The following YOD1 variants were observed in gnomAD, a reference collection of about 807,000 sequenced individuals.
YOD1 encodes YOD1 deubiquitinase.
Under a neutral mutation model 23.7 loss-of-function variants are expected in YOD1, and 17 were observed. The observed-to-expected ratio is 0.72, with a 90% CI of 0.49 to 1.07. The LOEUF (loss-of-function observed/expected upper bound fraction) is 1.07. YOD1 is among the 50% of genes least tolerant of loss of function. YOD1 has a pLI of 0.00. For missense variants in YOD1, 413 were observed against 447.2 expected (o/e 0.92, Z 0.69); for synonymous variants, 191 against 169.6 (o/e 1.13, Z -0.98).
intron 1 of YOD1, 52 bp from the exon 2 acceptor site, chr1:207,049,775 G>A (rs1388112912): frequency 9.9e-6 from 15 of 1,514,700 alleles, no homozygotes; most frequent in Non-Finnish European, 1.1e-5. Context: ...AGAAGAAACC[G>A]AGTGTTCTCT....
At chr1:207,052,114 G>C, upstream of YOD1, 1 of 1,337,314 alleles carries the variant, frequency 7.5e-7, no homozygotes, top group Non-Finnish European at 1.1e-6. Flanking sequence ...TGCCAAGAGT[G>C]GGTTTATCAA....
rs1295921838 is a variant in YOD1 at position 207,048,069 on chromosome 1, C to T, written c.*951G>A. The T allele has an allele frequency of 6.6e-6, 1 of 152,432 alleles. No individual in the cohort carries two copies. The highest frequency in any genetic ancestry group is 1.9e-4 in the East Asian group (1 of 5,186). The allele number at this position is 152,432 out of a possible 1,614,324, so 9.4% of individuals were successfully genotyped here. On this transcript the variant is annotated 3_prime_UTR_variant, in exon 2 of 2. Transcript: ENST00000315927. ...AAAAGCTGAGAAAATTAAATTCCCC[C>T]CGATAAACTTTACGCAAATGAAGAA...
chr1:207,050,788 C>T lies in YOD1; in HGVS notation c.243G>A (p.Gly81=), dbSNP rs1233837431. 2.5e-6 allele frequency: 4 copies of T among 1,613,452 alleles called. No homozygotes were observed. The highest frequency in any genetic ancestry group is 3.4e-6 in the Non-Finnish European group (4 of 1,180,016). ...GGATTCGCTGACCGCCGGGGGCGAT[C>T]CCGGTGATGGCGGCAATTTGGCCCT... ...ELQGQIAAIT[G]IAPGGQRILV... Residue 81 remains glycine, a synonymous_variant, in exon 1 of 2, where the codon GGG becomes GGA. Transcript: ENST00000315927.
At position 207,047,488 on chromosome 1, in the gene YOD1, G is replaced by A. The variant is rs573766640; in HGVS notation, c.*1532C>T. The A allele has an allele frequency of 2.0e-5, 3 of 152,704 alleles. No individual in the cohort carries two copies. In the South Asian group the frequency reaches 6.2e-4, roughly 32 times the overall value. The allele number at this position is 152,704 out of a possible 1,614,324, so 9.5% of individuals were successfully genotyped here. On this transcript the variant is annotated 3_prime_UTR_variant, in exon 2 of 2. Coordinates refer to ENST00000315927, the MANE Select transcript of YOD1 (RefSeq NM_018566.4). ...CTGAAAAAGATCCAAGTGCTTTAAA[G>A]TATACCACTGAATTTCTAAGTGAGA...
At position 207,044,246 on chromosome 1, in the gene YOD1, A is replaced by G. The variant is rs1161205731; in HGVS notation, c.*4774T>C. The stretch of plus-strand genomic sequence containing the variant: ...ACTATAGGAATATTGTTGTTCTCTA[A>G]CCCTTTTCACAAACTATTCATATTC... On this transcript the variant is annotated 3_prime_UTR_variant, in exon 2 of 2. Transcript: ENST00000315927. 6.6e-6 allele frequency: 1 copy of G among 152,468 alleles called. No individual in the cohort carries two copies. The highest frequency in any genetic ancestry group is 2.4e-5 in the African/African-American group (1 of 41,396). The allele number at this position is 152,468 out of a possible 1,614,324, so 9.4% of individuals were successfully genotyped here. A position where few individuals can be genotyped will look rare whatever the true frequency, so the allele number is the denominator to read the frequency against.
At position 207,045,904 on chromosome 1, in the gene YOD1, C is replaced by T. The variant is rs1032944755; in HGVS notation, c.*3116G>A. The T allele has an allele frequency of 2.0e-5, 3 of 152,040 alleles. No homozygotes were observed. Among genetic ancestry groups the T allele is most frequent in the East Asian group, 3.8e-4 (2 of 5,202 alleles). 9.4% of individuals were successfully genotyped at this position (152,040 alleles called of 1,614,324 possible). A position where few individuals can be genotyped will look rare whatever the true frequency, so the allele number is the denominator to read the frequency against. ...AGGGTCAAACTGACCAGCAGTCAAG[C>T]GTCAAGGGTACCACTTGACTATGCT... On this transcript the variant is annotated 3_prime_UTR_variant, in exon 2 of 2. Transcript: ENST00000315927.
In YOD1 at chr1:207,049,015, AT is replaced by A; in HGVS notation, c.*4del. ...AGTAGGCTTCAACCCTCATTCATGCATAGGTCACACTTCTCCAAAGTTGGTA... is the reference window on the plus strand; with the variant it reads ...AGTAGGCTTCAACCCTCATTCATGCAAGGTCACACTTCTCCAAAGTTGGTA... On this transcript the variant is annotated 3_prime_UTR_variant, in exon 2 of 2. Transcript: ENST00000315927. 6.2e-7 allele frequency: 1 copy of A among 1,611,502 alleles called. No homozygotes were observed.
At chr1:207,052,334 G>A (rs1682773856), upstream of YOD1, 2 of 1,048,556 alleles carry the variant, frequency 1.9e-6, no homozygotes, top group African/African-American at 1.6e-5. Flanking sequence ...CTGGGTTAGG[G>A]GGTAGGTAGG....
At chr1:207,051,506 G>A (rs1054877229), upstream of YOD1, among the ~76,000 whole-genome samples, 2 of 152,338 alleles carry the variant, frequency 1.3e-5, no homozygotes, top group African/African-American at 4.8e-5. Context: ...GGGGCCAAAA[G>A]ACTGGCCTTT....
rs945687249 is a variant in YOD1, at chr1:207,044,690, G to A, written c.*4330C>T. On this transcript the variant is annotated 3_prime_UTR_variant, in exon 2 of 2. Transcript: ENST00000315927. Reference sequence around the variant, plus strand: ...TGCTACATTCTATGACAAGAAATGGGGAAGAAGGGTTGAGTTGACACAAAG... The same window carrying A: ...TGCTACATTCTATGACAAGAAATGGAGAAGAAGGGTTGAGTTGACACAAAG... 6.6e-6 allele frequency: 1 copy of A among 152,330 alleles called. No individual in the cohort carries two copies. The highest frequency in any genetic ancestry group is 1.5e-5 in the Non-Finnish European group (1 of 67,934). 9.4% of individuals were successfully genotyped at this position (152,330 alleles called of 1,614,324 possible). A position where few individuals can be genotyped will look rare whatever the true frequency, so the allele number is the denominator to read the frequency against.
chr1:207,051,021 G>A lies in YOD1; in HGVS notation c.10C>T (p.Pro4Ser), dbSNP rs1290768813. The A allele has an allele frequency of 2.7e-6, 4 of 1,507,602 alleles. No individual in the cohort carries two copies. Among genetic ancestry groups the A allele is most frequent in the Non-Finnish European group, 1.8e-6 (2 of 1,128,344 alleles). 93.4% of individuals were successfully genotyped at this position (1,507,602 alleles called of 1,614,324 possible). Residue 4 changes from proline to serine, a missense_variant, in exon 1 of 2, where the codon CCC becomes TCC. Coordinates refer to ENST00000315927, the MANE Select transcript of YOD1 (RefSeq NM_018566.4). ...ACTCCAAAATGGCGACCTTTAGCGG[G>A]GCCAAACATCGCGAGAAGTTGCGGG... is the stretch of plus-strand genomic sequence containing the variant. Reference protein sequence around the residue: MFGPAKGRHFGVHP... With the variant: MFGSAKGRHFGVHP...
upstream of YOD1, chr1:207,052,404 G>A: frequency 1.8e-6 from 1 of 568,892 alleles, no homozygotes; most frequent in Non-Finnish European, 3.1e-6. Context: ...GCTCACACCT[G>A]TAATCCCAGC....
At position 207,050,991 on chromosome 1, in the gene YOD1, G is replaced by A. The variant is rs565704574; in HGVS notation, c.40C>T (p.Pro14Ser). 2.6e-6 allele frequency: 4 copies of A among 1,530,944 alleles called. No homozygotes were observed. Among genetic ancestry groups the A allele is most frequent in the Admixed American group, 4.1e-5 (2 of 48,410 alleles). 94.8% of individuals were successfully genotyped at this position (1,530,944 alleles called of 1,614,324 possible). Residue 14 changes from proline to serine, a missense_variant, in exon 1 of 2, where the codon CCG (proline) becomes TCG (serine). Physicochemically the swap from Pro to Ser is moderately conservative, Grantham distance 74. Transcript: ENST00000315927. ...PAKGRHFGVHPAPGFPGGVSQ... is the reference protein window; with the variant it reads ...PAKGRHFGVHSAPGFPGGVSQ... ...ACGCCGCCGGGGAAACCAGGCGCCG[G>A]GTGGACTCCAAAATGGCGACCTTTA...
Position 207,050,760 on chromosome 1 carries a change from C to G in YOD1, c.271G>C (p.Val91Leu). The change falls in exon 1 of 2, where the codon GTC (valine) becomes CTC (leucine). Residue 91 changes from valine to leucine, a missense_variant. Coordinates refer to ENST00000315927, the MANE Select transcript of YOD1 (RefSeq NM_018566.4). ...TCCAGGCACTCGGGAGGGTATCCGACGAGGATTCGCTGACCGCCGGGGGCG... is the reference window on the plus strand; with the variant it reads ...TCCAGGCACTCGGGAGGGTATCCGAGGAGGATTCGCTGACCGCCGGGGGCG... ...GIAPGGQRILVGYPPECLDLS... is the reference protein window; with the variant it reads ...GIAPGGQRILLGYPPECLDLS... 6.2e-7 allele frequency: 1 copy of G among 1,613,390 alleles called. No individual in the cohort carries two copies.
rs1223671671 is a variant in YOD1, at chr1:207,044,910, A to G, written c.*4110T>C. 6.6e-6 allele frequency: 1 copy of G among 152,512 alleles called. No individual in the cohort carries two copies. The highest frequency in any genetic ancestry group is 1.5e-5 in the Non-Finnish European group (1 of 67,948). The allele number at this position is 152,512 out of a possible 1,614,324, so 9.4% of individuals were successfully genotyped here. ...CAGCACCCTACAATTCAACATCAATAATAATTTTAAGTCAAACATTCAAAG... is the reference window on the plus strand; with the variant it reads ...CAGCACCCTACAATTCAACATCAATGATAATTTTAAGTCAAACATTCAAAG... On this transcript the variant is annotated 3_prime_UTR_variant, in exon 2 of 2. Transcript: ENST00000315927.
At chr1:207,052,259 AT>A (rs748199667), upstream of YOD1, 1,490 of 1,576,526 alleles carry the variant, frequency 9.5e-4, 1 homozygote, top group Non-Finnish European at 1.1e-3. Flanking sequence ...TCATGACTCA[AT>A]TTTTTTTTGC....
rs1302372036 is a variant in YOD1 at position 207,047,989 on chromosome 1, C to T, written c.*1031G>A. 6.6e-6 allele frequency: 1 copy of T among 152,096 alleles called. No individual in the cohort carries two copies. The highest frequency in any genetic ancestry group is 2.4e-5 in the African/African-American group (1 of 41,376). 9.4% of individuals were successfully genotyped at this position (152,096 alleles called of 1,614,324 possible). A position where few individuals can be genotyped will look rare whatever the true frequency, so the allele number is the denominator to read the frequency against. ...TGCAAAAAATCTTACAAAAACCAAC[C>T]CAAAGCAGAGCATTATTACTTGAAA... On this transcript the variant is annotated 3_prime_UTR_variant, in exon 2 of 2. Transcript: ENST00000315927.
In YOD1 at chr1:207,046,302, T is replaced by C. The variant is rs148747964; in HGVS notation, c.*2718A>G. On this transcript the variant is annotated 3_prime_UTR_variant, in exon 2 of 2. Coordinates refer to ENST00000315927, the MANE Select transcript of YOD1 (RefSeq NM_018566.4). ...AATCCTCCTGAAAGTTGTAAGTCCATAGATTTTCAAAATTCCCAAGATGAG... is the reference window on the plus strand; with the variant it reads ...AATCCTCCTGAAAGTTGTAAGTCCACAGATTTTCAAAATTCCCAAGATGAG... 31 of 152,202 alleles carry C rather than the reference T, an allele frequency of 2.0e-4. No homozygotes were observed. The highest frequency in any genetic ancestry group is 4.1e-4 in the African/African-American group (17 of 41,546). The allele number at this position is 152,202 out of a possible 1,614,324, so 9.4% of individuals were successfully genotyped here. A position where few individuals can be genotyped will look rare whatever the true frequency, so the allele number is the denominator to read the frequency against.
In YOD1 at chr1:207,044,609, A is replaced by G. The variant is rs2102320238; in HGVS notation, c.*4411T>C. 1 of 152,408 alleles carries G rather than the reference A, an allele frequency of 6.6e-6. No homozygotes were observed. Among genetic ancestry groups the G allele is most frequent in the East Asian group, 1.9e-4 (1 of 5,190 alleles). The allele number at this position is 152,408 out of a possible 1,614,324, so 9.4% of individuals were successfully genotyped here. ...TATGTATAAAAGGGCATCATGGCAA[A>G]ATGCTTATAATTCATGGTTTCATAC... On this transcript the variant is annotated 3_prime_UTR_variant, in exon 2 of 2. Coordinates refer to ENST00000315927, the MANE Select transcript of YOD1 (RefSeq NM_018566.4).
Sources: gnomAD v4.1 joint callset for allele counts (sites outside exome capture counted in the v4.1 genomes callset) on GRCh38, gnomAD v4.1.1 for gene constraint, MANE v1.5 for transcripts, NCBI Gene and HGNC (gene_info 2026-07-23, HGNC 2026-07-21) for gene names.